ANXA8: variants seen among roughly 807,000 people sequenced by gnomAD.
ANXA8 encodes VAC-beta.
Under a neutral mutation model 26.8 loss-of-function variants are expected in ANXA8, and 9 were observed. That is an observed-to-expected ratio of 0.34 (90% CI 0.20 to 0.59). The LOEUF (loss-of-function observed/expected upper bound fraction) is 0.59, where lower values mean the gene tolerates loss of function less well. Ranked by LOEUF, ANXA8 falls within the 20% of genes least tolerant of loss-of-function variation. ANXA8 has a pLI of 0.84. For synonymous variants in ANXA8, 39 were observed against 94.8 expected (o/e 0.41, Z 3.42); for missense variants, 83 against 238.5 (o/e 0.35, Z 4.29).
chr10:47,769,674 C>T, the ANXA8 span, among the ~76,000 whole-genome samples: 2 of 152,196 alleles, frequency 1.3e-5, no homozygotes, highest in Admixed American at 6.5e-5. Context: ...TGAGGTTTCA[C>T]TTCCATAAAA....
the ANXA8 span, among the ~76,000 whole-genome samples, chr10:47,952,322 T>G: frequency 5.3e-5 from 8 of 151,412 alleles, no homozygotes; most frequent in Middle Eastern, 3.4e-3. Context: ...AAGGAGGAGG[T>G]AAAACTGAAT....
At chr10:47,484,564 C>T (rs1402070326), upstream of ANXA8, 31 of 1,421,406 alleles carry the variant, frequency 2.2e-5, no homozygotes, top group Non-Finnish European at 2.4e-5. Flanking sequence ...ACTGTCAGAC[C>T]GGTGATGGCC....
the ANXA8 span, among the ~76,000 whole-genome samples, chr10:47,900,692 C>A: frequency 5.2e-5 from 6 of 114,522 alleles, no homozygotes; most frequent in Non-Finnish European, 7.2e-5. Flanking sequence ...GGCTCAGTAA[C>A]CAAAAAGTTA....
chr10:47,768,770 G>C, the ANXA8 span, among the ~76,000 whole-genome samples: 3 of 151,688 alleles, frequency 2.0e-5, no homozygotes, highest in Admixed American at 2.0e-4. Context: ...TGCTGGTGGA[G>C]GTGCACAGGC....
chr10:47,655,852 C>T, the ANXA8 span, among the ~76,000 whole-genome samples: 7 of 151,664 alleles, frequency 4.6e-5, no homozygotes, highest in Non-Finnish European at 7.4e-5. Context: ...GAAACTCCAT[C>T]CCTATTAAAA....
the ANXA8 span, among the ~76,000 whole-genome samples, chr10:47,960,168 A>G: frequency 6.7e-6 from 1 of 148,480 alleles, no homozygotes; most frequent in African/African-American, 2.6e-5. Context: ...TGAGGTTATT[A>G]TGCATTATTT....
chr10:47,952,190 T>A, the ANXA8 span, among the ~76,000 whole-genome samples: 1 of 148,062 alleles, frequency 6.8e-6, no homozygotes, highest in African/African-American at 2.6e-5. Flanking sequence ...AAAGACATAA[T>A]GTTTTCCTCC....
chr10:47,727,365 T>C, the ANXA8 span, among the ~76,000 whole-genome samples: 1 of 152,362 alleles, frequency 6.6e-6, no homozygotes, highest in Non-Finnish European at 1.5e-5. Context: ...AATATATTTG[T>C]CAGGTATTCA....
chr10:47,588,827 T>C, the ANXA8 span: 2 of 134,316 alleles, frequency 1.5e-5, no homozygotes, highest in East Asian at 4.0e-4. Context: ...TTTTTTTTTT[T>C]TTTTTGAGAC....
chr10:47,948,745 C>T, the ANXA8 span, among the ~76,000 whole-genome samples: 2 of 150,690 alleles, frequency 1.3e-5, no homozygotes, highest in Non-Finnish European at 2.9e-5. Context: ...ACATACAAAA[C>T]CACCCATCCA....
At chr10:47,588,765 C>T in the ANXA8 span, 4 of 144,518 alleles carry the variant, frequency 2.8e-5, no homozygotes, top group Non-Finnish European at 5.9e-5. Context: ...AGAAAACATC[C>T]ATTCAAAGAT....
chr10:47,730,713 C>T, the ANXA8 span, among the ~76,000 whole-genome samples: 2 of 144,338 alleles, frequency 1.4e-5, no homozygotes, highest in Non-Finnish European at 3.0e-5. Flanking sequence ...AAGGTTTGCC[C>T]ATTTGTTCAC....
the ANXA8 span, among the ~76,000 whole-genome samples, chr10:47,703,722 T>C: frequency 6.6e-6 from 1 of 150,764 alleles, no homozygotes; most frequent in Non-Finnish European, 1.5e-5. Flanking sequence ...TCTCAAAGTA[T>C]CTCCCCAGGA....
chr10:47,496,115 T>C, the ANXA8 span: 1 of 151,118 alleles, frequency 6.6e-6, no homozygotes, highest in Non-Finnish European at 1.5e-5. Flanking sequence ...GGTACAGAGG[T>C]GAGGCTGACG....
the ANXA8 span, among the ~76,000 whole-genome samples, chr10:47,944,445 G>C: frequency 6.7e-6 from 1 of 149,548 alleles, no homozygotes; most frequent in African/African-American, 2.5e-5. Flanking sequence ...TCTTTGTCTA[G>C]GACAGACTGT....
At chr10:47,670,872 A>G in the ANXA8 span, among the ~76,000 whole-genome samples, 1 of 150,822 alleles carries the variant, frequency 6.6e-6, no homozygotes, top group Non-Finnish European at 1.5e-5. Context: ...TGATGTAATG[A>G]TGACAGAATT....
chr10:47,603,616 A>G, the ANXA8 span, among the ~76,000 whole-genome samples: 1 of 148,150 alleles, frequency 6.7e-6, no homozygotes, highest in Admixed American at 6.6e-5. Flanking sequence ...GGTTCAAGTG[A>G]TTCTCCTGCT....
At chr10:47,624,167 A>T in the ANXA8 span, among the ~76,000 whole-genome samples, 1 of 97,228 alleles carries the variant, frequency 1.0e-5, no homozygotes, top group African/African-American at 4.2e-5. Flanking sequence ...GCGTGAACCC[A>T]GGAGGCAGAG....
the ANXA8 span, among the ~76,000 whole-genome samples, chr10:47,763,995 C>T: frequency 1.2e-4 from 19 of 152,032 alleles, no homozygotes; most frequent in Non-Finnish European, 2.8e-4. Flanking sequence ...GGGTGGTGAA[C>T]TGGGGTGCCC....
Sources: allele counts gnomAD v4.1 joint callset (sites outside exome capture counted in the v4.1 genomes callset), GRCh38; gene constraint gnomAD v4.1.1; transcripts MANE v1.5; gene names NCBI Gene and HGNC (gene_info 2026-07-23, HGNC 2026-07-21).